ATG5: variants seen among roughly 807,000 people sequenced by gnomAD.
ATG5 encodes the protein autophagy related 5, also known as autophagy protein 5.
In ATG5, 14 loss-of-function variants were observed where a neutral mutation model predicts 36.5. The ratio of observed to expected loss-of-function variants is 0.38; its 90% CI spans 0.25 to 0.60. The LOEUF (loss-of-function observed/expected upper bound fraction) is 0.60. ATG5 is among the 20% of genes least tolerant of loss of function. The pLI, the probability that ATG5 is intolerant of heterozygous loss-of-function variation, is 0.60. For missense variants in ATG5, 195 were observed against 326.7 expected, an observed-to-expected ratio of 0.60 and a Z score of 3.11; for synonymous variants, 95 against 101.5, an observed-to-expected ratio of 0.94 and a Z score of 0.38.
chr6:106,196,091 T>C lies in ATG5; in HGVS notation c.691+5881A>G, dbSNP rs1052463604. ...ATGTTCATAATCACCATTTAAAAAA[T>C]TCAACAAGAGTGGTCAGGATTATAT... On this transcript the variant is annotated intron_variant, in intron 7 of 7. Transcript: ENST00000369076. Among the ~76,000 whole-genome samples, 35 of 151,982 alleles carry C rather than the reference T, an allele frequency of 2.3e-4. 1 individual carries two copies. The highest frequency in any genetic ancestry group is 2.1e-3 in the Admixed American group (32 of 15,266).
chr6:106,257,195 C>T (rs1778835319), intron 5 of ATG5, among the ~76,000 whole-genome samples: 1 of 152,188 alleles, frequency 6.6e-6, no homozygotes, highest in Admixed American at 6.5e-5. Context: ...GTGAAGCTGT[C>T]ATCTCCAATG....
At chr6:106,216,929 G>C (rs1386515114) in intron 6 of ATG5, among the ~76,000 whole-genome samples, 1 of 151,332 alleles carries the variant, frequency 6.6e-6, no homozygotes, top group Non-Finnish European at 1.5e-5. Flanking sequence ...GACCTCTGTA[G>C]TATTGAGATT....
chr6:106,217,267 T>C (rs1777075820), intron 6 of ATG5, among the ~76,000 whole-genome samples: 2 of 152,198 alleles, frequency 1.3e-5, no homozygotes. Flanking sequence ...TAAATAACTT[T>C]GTCTTAACTG....
intron 7 of ATG5, 97 bp downstream of exon 7, chr6:106,201,875 C>A: frequency 1.2e-6 from 1 of 846,266 alleles, no homozygotes; most frequent in Non-Finnish European, 1.8e-6. Flanking sequence ...ATGAAAATAT[C>A]TTCCTGAAAT....
At chr6:106,228,388 C>T (rs1777532286) in intron 6 of ATG5, among the ~76,000 whole-genome samples, 1 of 152,188 alleles carries the variant, frequency 6.6e-6, no homozygotes, top group Admixed American at 6.5e-5. Context: ...AAAGACTTGC[C>T]ATTGTTCCTA....
At chr6:106,298,012 TG>T (rs1770038601) in intron 3 of ATG5, among the ~76,000 whole-genome samples, 1 of 150,618 alleles carries the variant, frequency 6.6e-6, no homozygotes, top group Admixed American at 6.7e-5. Context: ...TCGCCCAGGA[TG>T]GAATGCAGTT....
At chr6:106,251,756 GAAAA>G (rs946705067) in intron 5 of ATG5, among the ~76,000 whole-genome samples, 1 of 150,346 alleles carries the variant, frequency 6.7e-6, no homozygotes, top group Non-Finnish European at 1.5e-5. Context: ...AAGAAAGAAA[GAAAA>G]AGAAAAGAAG....
chr6:106,322,956 G>A (rs1771147464), intron 1 of ATG5, among the ~76,000 whole-genome samples: 1 of 151,924 alleles, frequency 6.6e-6, no homozygotes, highest in Non-Finnish European at 1.5e-5. Context: ...GTCTCGCTCT[G>A]TCGCCCAGGC....
chr6:106,245,388 GTTCTGA>G (rs1213201239), intron 6 of ATG5, among the ~76,000 whole-genome samples: 1 of 152,148 alleles, frequency 6.6e-6, no homozygotes, highest in African/African-American at 2.4e-5. Flanking sequence ...TGATAATTAT[GTTCTGA>G]AAATTCTACA....
chr6:106,213,066 T>A (rs923292713), intron 6 of ATG5, among the ~76,000 whole-genome samples: 1 of 152,200 alleles, frequency 6.6e-6, no homozygotes, highest in South Asian at 2.1e-4. Context: ...TACTAACATA[T>A]AAGTAGCCTG....
chr6:106,191,690 CT>C (rs1775970415), intron 7 of ATG5, among the ~76,000 whole-genome samples: 1 of 152,062 alleles, frequency 6.6e-6, no homozygotes, highest in African/African-American at 2.4e-5. Context: ...ACGAGTGACT[CT>C]TCTCCACCCC....
At chr6:106,260,078 C>T (rs1480067519) in intron 5 of ATG5, among the ~76,000 whole-genome samples, 1 of 151,964 alleles carries the variant, frequency 6.6e-6, no homozygotes, top group Non-Finnish European at 1.5e-5. Context: ...GGACACAGGG[C>T]AGGGAACATC....
At chr6:106,202,669 C>T (rs184792372) in intron 6 of ATG5, among the ~76,000 whole-genome samples, 29 of 152,238 alleles carry the variant, frequency 1.9e-4, no homozygotes, top group Admixed American at 5.2e-4. Flanking sequence ...AATCTTCTTT[C>T]TCTTTTTTTG....
At chr6:106,291,862 C>T (rs928810763) in intron 4 of ATG5, among the ~76,000 whole-genome samples, 3 of 152,210 alleles carry the variant, frequency 2.0e-5, no homozygotes, top group Non-Finnish European at 4.4e-5. Context: ...TCTTTGGTAA[C>T]TAACGTGTTT....
intron 3 of ATG5, among the ~76,000 whole-genome samples, chr6:106,299,993 C>T (rs1770139742): frequency 6.6e-6 from 1 of 152,160 alleles, no homozygotes; most frequent in Non-Finnish European, 1.5e-5. Context: ...TACTGACTTA[C>T]TCTATATGTA....
intron 5 of ATG5, among the ~76,000 whole-genome samples, chr6:106,249,302 C>CTA (rs1311877983): frequency 6.6e-6 from 1 of 152,148 alleles, no homozygotes; most frequent in Admixed American, 6.5e-5. Flanking sequence ...CTTTCTATCT[C>CTA]TATAGTTTGC....
chr6:106,201,209 C>T (rs1776414996), intron 7 of ATG5, among the ~76,000 whole-genome samples: 2 of 151,850 alleles, frequency 1.3e-5, no homozygotes, highest in Admixed American at 1.3e-4. Flanking sequence ...ATGGGGAGCC[C>T]ATGGATATGA....
chr6:106,215,983 G>T (rs1258280176), intron 6 of ATG5, among the ~76,000 whole-genome samples: 4 of 152,320 alleles, frequency 2.6e-5, no homozygotes, highest in African/African-American at 9.6e-5. Flanking sequence ...CGAATGGCTA[G>T]TTAAATGCAT....
At chr6:106,284,728 GTT>G (rs78799354) in intron 4 of ATG5, among the ~76,000 whole-genome samples, 3 of 132,794 alleles carry the variant, frequency 2.3e-5, no homozygotes, top group East Asian at 2.2e-4. Context: ...GGTTTTTTTT[GTT>G]TTTTTTTTTT....
Sources: allele counts gnomAD v4.1 joint callset (sites outside exome capture counted in the v4.1 genomes callset), GRCh38; gene constraint gnomAD v4.1.1; transcripts MANE v1.5; gene names NCBI Gene and HGNC (gene_info 2026-07-23, HGNC 2026-07-21).